EBF1: variants seen among roughly 807,000 people sequenced by gnomAD.
EBF1 encodes the protein transcription factor COE1.
In EBF1, 10 loss-of-function variants were observed where a neutral mutation model predicts 68.4. The ratio of observed to expected loss-of-function variants is 0.15; its 90% CI spans 0.09 to 0.25. The LOEUF (loss-of-function observed/expected upper bound fraction) is 0.25. Among genes scored for constraint, EBF1 ranks in the 10% least tolerant of loss-of-function variants. EBF1 has a pLI of 1.00. For missense variants in EBF1, 509 were observed against 794.4 expected (o/e 0.64, Z 4.32); for synonymous variants, 298 against 299.8 (o/e 0.99, Z 0.06).
intron 10 of EBF1, among the ~76,000 whole-genome samples, chr5:158,745,917 A>C (rs1258875391): frequency 2.6e-5 from 4 of 152,168 alleles, no homozygotes; most frequent in African/African-American, 9.6e-5. Flanking sequence ...AGTGCTAGAG[A>C]GGCTTTCCTA....
chr5:158,798,964 G>C lies in EBF1; in HGVS notation c.779-2489C>G, dbSNP rs181497940. On this transcript the variant is annotated intron_variant, in intron 8 of 15. Transcript: ENST00000313708. ...AGGTAAGTCATTCAGACCTTTCTAA[G>C]TTTAGACCTCTAAGGGTTCCAAAGC... is the stretch of plus-strand genomic sequence containing the variant. 2.6e-4 allele frequency among the ~76,000 whole-genome samples: 39 copies of C among 152,222 alleles called. 1 individual carries two copies. Among genetic ancestry groups the C allele is most frequent in the Admixed American group, 2.6e-3 (39 of 15,282 alleles).
At chr5:158,705,356 G>A (rs1182857775) in intron 15 of EBF1, among the ~76,000 whole-genome samples, 1 of 152,148 alleles carries the variant, frequency 6.6e-6, no homozygotes, top group Non-Finnish European at 1.5e-5. Context: ...AAGTCTCCTT[G>A]ACATTTGTTC....
chr5:159,036,016 C>A (rs760760884), intron 6 of EBF1, among the ~76,000 whole-genome samples: 1 of 152,178 alleles, frequency 6.6e-6, no homozygotes, highest in Non-Finnish European at 1.5e-5. Context: ...CTATTCATAT[C>A]ACCTTGCCTT....
Position 158,909,085 on chromosome 5 carries a change from C to T in EBF1, c.555-68975G>A, listed in dbSNP as rs73300081. ...CCAGCAGGGAAAAACATTAATATAA[C>T]GGCACATGGGAAAATGAAACTCATG... On this transcript the variant is annotated intron_variant, in intron 6 of 15. Transcript: ENST00000313708. Among the ~76,000 whole-genome samples the T allele has an allele frequency of 4.0e-3, 589 of 146,932 alleles. 2 individuals are homozygous for T. The highest frequency in any genetic ancestry group is 0.014 in the African/African-American group (562 of 39,652).
chr5:159,020,007 T>C (rs1241047937), intron 6 of EBF1, among the ~76,000 whole-genome samples: 1 of 152,104 alleles, frequency 6.6e-6, no homozygotes, highest in Non-Finnish European at 1.5e-5. Context: ...ACCTCAGCCC[T>C]GGGATCTCAG....
chr5:158,878,990 A>G (rs1391880613), intron 6 of EBF1, among the ~76,000 whole-genome samples: 2 of 152,118 alleles, frequency 1.3e-5, no homozygotes, highest in African/African-American at 4.8e-5. Flanking sequence ...AGCCCAATAA[A>G]CAGAAAAAAA....
At chr5:158,763,072 A>G (rs1771844579) in intron 10 of EBF1, among the ~76,000 whole-genome samples, 1 of 152,056 alleles carries the variant, frequency 6.6e-6, no homozygotes, top group Admixed American at 6.6e-5. Flanking sequence ...TTTCTCTCTC[A>G]TTGGCCCTTA....
intron 6 of EBF1, among the ~76,000 whole-genome samples, chr5:158,887,350 C>T (rs948250106): frequency 6.6e-6 from 1 of 152,118 alleles, no homozygotes; most frequent in Non-Finnish European, 1.5e-5. Flanking sequence ...TAAAAATAAA[C>T]CACAAAGTTT....
At chr5:158,834,852 G>C (rs1788399886) in intron 7 of EBF1, among the ~76,000 whole-genome samples, 1 of 152,244 alleles carries the variant, frequency 6.6e-6, no homozygotes, top group Non-Finnish European at 1.5e-5. Flanking sequence ...TACAAAGTGA[G>C]ATGGAGGAAA....
intron 6 of EBF1, among the ~76,000 whole-genome samples, chr5:158,911,144 G>A (rs886949829): frequency 4.6e-5 from 7 of 152,118 alleles, no homozygotes; most frequent in African/African-American, 1.2e-4. Flanking sequence ...TTCCCTCAAC[G>A]AGTCGCCTAT....
intron 6 of EBF1, among the ~76,000 whole-genome samples, chr5:158,996,751 C>G (rs1482268550): frequency 3.3e-5 from 5 of 152,176 alleles, no homozygotes; most frequent in Non-Finnish European, 5.9e-5. Context: ...TTATGATACT[C>G]AAGCCCATTC....
At chr5:158,967,758 C>T (rs988973744) in intron 6 of EBF1, among the ~76,000 whole-genome samples, 41 of 152,276 alleles carry the variant, frequency 2.7e-4, no homozygotes, top group African/African-American at 9.1e-4. Flanking sequence ...CACATGTTAG[C>T]CCTGCTTCTG....
At chr5:158,996,319 T>C (rs1336330146) in intron 6 of EBF1, among the ~76,000 whole-genome samples, 1 of 152,240 alleles carries the variant, frequency 6.6e-6, no homozygotes, top group Non-Finnish European at 1.5e-5. Context: ...ATATACTTCC[T>C]GGGTAAATTA....
At chr5:158,714,594 T>G (rs1232794567) in intron 11 of EBF1, among the ~76,000 whole-genome samples, 1 of 152,194 alleles carries the variant, frequency 6.6e-6, no homozygotes, top group Non-Finnish European at 1.5e-5. Flanking sequence ...ACAGGTCATT[T>G]TCGAGGGATT....
intron 6 of EBF1, among the ~76,000 whole-genome samples, chr5:159,033,777 C>G (rs192794457): frequency 7.2e-5 from 11 of 152,284 alleles, no homozygotes; most frequent in African/African-American, 2.4e-4. Context: ...TTTCAAGTTA[C>G]TGAAAATTAG....
At chr5:158,898,696 C>T (rs1226750511) in intron 6 of EBF1, among the ~76,000 whole-genome samples, 1 of 152,206 alleles carries the variant, frequency 6.6e-6, no homozygotes, top group Non-Finnish European at 1.5e-5. Context: ...TGGCTGTCAT[C>T]CACGCACTAA....
chr5:158,697,382 C>T lies in EBF1; in HGVS notation c.*1729G>A. The T allele has an allele frequency of 5.0e-6, 1 of 198,328 alleles. No homozygotes were observed. The highest frequency in any genetic ancestry group is 7.8e-5 in the East Asian group (1 of 12,828). 12.3% of individuals were successfully genotyped at this position (198,328 alleles called of 1,614,324 possible). A position where few individuals can be genotyped will look rare whatever the true frequency, so the allele number is the denominator to read the frequency against. ...AAAAAAACTGAAGCATGGTTTATAA[C>T]AATACTAAAAATAACTATAAATGAA... On this transcript the variant is annotated 3_prime_UTR_variant, in exon 16 of 16. Transcript: ENST00000313708.
intron 6 of EBF1, among the ~76,000 whole-genome samples, chr5:158,891,244 A>G (rs995148903): frequency 3.9e-5 from 6 of 152,176 alleles, no homozygotes; most frequent in African/African-American, 1.4e-4. Context: ...GCTTCAAGAC[A>G]TCATTTCTGT....
chr5:158,921,396 A>T (rs1808404096), intron 6 of EBF1, among the ~76,000 whole-genome samples: 1 of 152,200 alleles, frequency 6.6e-6, no homozygotes, highest in East Asian at 1.9e-4. Context: ...CTGACACTGA[A>T]AATAATTAAT....
Sources: allele counts gnomAD v4.1 joint callset (sites outside exome capture counted in the v4.1 genomes callset), GRCh38; gene constraint gnomAD v4.1.1; transcripts MANE v1.5; gene names NCBI Gene and HGNC (gene_info 2026-07-23, HGNC 2026-07-21).